GINS4: variants seen among roughly 807,000 people sequenced by gnomAD.
GINS4 encodes the protein GINS complex subunit 4.
Under a neutral mutation model 31.1 loss-of-function variants are expected in GINS4, and 20 were observed. That is an observed-to-expected ratio of 0.64 (90% CI 0.45 to 0.93). The LOEUF is 0.93. Ranked by LOEUF, GINS4 falls within the 40% of genes least tolerant of loss-of-function variation. The pLI is 0.00. For synonymous variants in GINS4, 85 were observed against 97.9 expected (o/e 0.87, Z 0.78); for missense variants, 245 against 273.9 (o/e 0.89, Z 0.75).
At chr8:41,538,846 A>G (rs1806785854) in intron 4 of GINS4, among the ~76,000 whole-genome samples, 1 of 151,876 alleles carries the variant, frequency 6.6e-6, no homozygotes, top group South Asian at 2.1e-4. Context: ...CTGGGATTAC[A>G]TGCCCCTGCC....
intron 3 of GINS4, 180 bp from the exon 4 acceptor site, chr8:41,537,000 T>G: frequency 1.8e-6 from 1 of 559,890 alleles, no homozygotes; most frequent in East Asian, 3.1e-5. Flanking sequence ...ACAGATTCTA[T>G]TCAAATGGTC....
intron 2 of GINS4, among the ~76,000 whole-genome samples, chr8:41,533,573 T>C (rs1458446261): frequency 6.6e-6 from 1 of 152,238 alleles, no homozygotes; most frequent in Non-Finnish European, 1.5e-5. Context: ...CTGTCTCTTA[T>C]GCTGTGTGGC....
chr8:41,540,077 GT>G, intron 6 of GINS4, 73 bp downstream of exon 6: 1 of 1,055,408 alleles, frequency 9.5e-7, no homozygotes, highest in Admixed American at 1.9e-5. Flanking sequence ...TCTCTTCACT[GT>G]TTTTACCCAA....
rs1806852074 is a variant in GINS4, at chr8:41,542,104, C to T, written c.*17C>T. The T allele has an allele frequency of 1.3e-6, 2 of 1,587,350 alleles. No homozygotes were observed. The highest frequency in any genetic ancestry group is 2.7e-5 in the African/African-American group (2 of 74,426). On this transcript the variant is annotated 3_prime_UTR_variant, in exon 8 of 8. Coordinates refer to ENST00000276533, the MANE Select transcript of GINS4 (RefSeq NM_032336.3). ...CTAATTTAAAACTAGGCATAAACAGCCAGGCATGGTGACTCAAGCCTGTAA... is the reference window on the plus strand; with the variant it reads ...CTAATTTAAAACTAGGCATAAACAGTCAGGCATGGTGACTCAAGCCTGTAA...
intron 4 of GINS4, 25 bp from the exon 5 acceptor site, chr8:41,539,653 T>G: frequency 6.6e-7 from 1 of 1,510,260 alleles, no homozygotes; most frequent in South Asian, 1.1e-5. Context: ...AATGTTTTCA[T>G]GAAGATTTTG....
chr8:41,539,694 C>G lies in GINS4; in HGVS notation c.314C>G (p.Pro105Arg). The change falls in exon 5 of 8, where the codon CCT becomes CGT. Residue 105 changes from proline (P) to arginine (R), a missense_variant. Coordinates refer to ENST00000276533, the MANE Select transcript of GINS4 (RefSeq NM_032336.3). ...CRLMKIEKFF[P>R]HVLEKEKTRP... ...TCCTCACAGATAGAGAAGTTTTTCC[C>G]TCATGTCCTTGAGAAGGAAAAAACA... The G allele has an allele frequency of 6.2e-7, 1 of 1,613,168 alleles. No individual in the cohort carries two copies. Among genetic ancestry groups the G allele is most frequent in the Non-Finnish European group, 8.5e-7 (1 of 1,179,498 alleles).
At chr8:41,536,877 G>T (rs946201636) in intron 3 of GINS4, among the ~76,000 whole-genome samples, 1 of 152,208 alleles carries the variant, frequency 6.6e-6, no homozygotes, top group Non-Finnish European at 1.5e-5. Context: ...GGATATTTCA[G>T]TTTCTCAGCT....
chr8:41,543,327 C>G lies in GINS4; in HGVS notation c.*1240C>G, dbSNP rs993431979. ...GCTGTTAACCCGCAGCCCTCCCCAA[C>G]TCTCCAGCAGCTTTGCCAAGTCAGC... On this transcript the variant is annotated 3_prime_UTR_variant, in exon 8 of 8. Transcript: ENST00000276533. 3.3e-5 allele frequency: 5 copies of G among 152,248 alleles called. No homozygotes were observed. The highest frequency in any genetic ancestry group is 7.3e-5 in the Non-Finnish European group (5 of 68,054). The allele number at this position is 152,248 out of a possible 1,614,324, so 9.4% of individuals were successfully genotyped here.
intron 4 of GINS4, 100 bp downstream of exon 4, chr8:41,537,393 G>A: frequency 2.6e-6 from 2 of 770,654 alleles, no homozygotes; most frequent in South Asian, 1.6e-5. Flanking sequence ...GAGGGTCCAG[G>A]ACCTGAAGAT....
rs1244671647 is a variant in GINS4, at chr8:41,544,114, T to G, written c.*2027T>G. 6.6e-6 allele frequency: 1 copy of G among 152,352 alleles called. No homozygotes were observed. Among genetic ancestry groups the G allele is most frequent in the Admixed American group, 6.5e-5 (1 of 15,282 alleles). 9.4% of individuals were successfully genotyped at this position (152,352 alleles called of 1,614,324 possible). On this transcript the variant is annotated 3_prime_UTR_variant, in exon 8 of 8. Coordinates refer to ENST00000276533, the MANE Select transcript of GINS4 (RefSeq NM_032336.3). The stretch of plus-strand genomic sequence containing the variant: ...TGAGATCTGATTAACAGGAGGCAGC[T>G]GCAGTGCAGAGGTCAAAAGGGAGGG...
In GINS4 at chr8:41,543,954, A is replaced by C. The variant is rs1806889790; in HGVS notation, c.*1867A>C. ...GCTCCTGACCCCAGGTGATCCACCCACCTCGGCCTCCCAAAGTGCTGGAAT... is the reference window on the plus strand; with the variant it reads ...GCTCCTGACCCCAGGTGATCCACCCCCCTCGGCCTCCCAAAGTGCTGGAAT... On this transcript the variant is annotated 3_prime_UTR_variant, in exon 8 of 8. Coordinates refer to ENST00000276533, the MANE Select transcript of GINS4 (RefSeq NM_032336.3). 1 of 152,094 alleles carries C rather than the reference A, an allele frequency of 6.6e-6. No individual in the cohort carries two copies. The highest frequency in any genetic ancestry group is 1.5e-5 in the Non-Finnish European group (1 of 68,056). 9.4% of individuals were successfully genotyped at this position (152,094 alleles called of 1,614,324 possible). A position where few individuals can be genotyped will look rare whatever the true frequency, so the allele number is the denominator to read the frequency against.
Position 41,539,931 on chromosome 8 carries a change from A to G in GINS4, c.411A>G (p.Thr137=), listed in dbSNP as rs2150461149. ...TGTCTTTCAGGTTCATGGCGAACACAGAGTCCTATCTGAAAAATGTCGCCT... is the reference window on the plus strand; with the variant it reads ...TGTCTTTCAGGTTCATGGCGAACACGGAGTCCTATCTGAAAAATGTCGCCT... ...LAFAREFMAN[T]ESYLKNVALK... The change falls in exon 6 of 8, where the codon ACA becomes ACG. Residue 137 remains threonine, a synonymous_variant. Transcript: ENST00000276533. 2.5e-6 allele frequency: 4 copies of G among 1,614,162 alleles called. No homozygotes were observed. The highest frequency in any genetic ancestry group is 8.5e-7 in the Non-Finnish European group (1 of 1,179,966).
At position 41,543,472 on chromosome 8, in the gene GINS4, G is replaced by A. The variant is rs1806879578; in HGVS notation, c.*1385G>A. 6.6e-6 allele frequency: 1 copy of A among 152,202 alleles called. No homozygotes were observed. Among genetic ancestry groups the A allele is most frequent in the Admixed American group, 6.6e-5 (1 of 15,266 alleles). 9.4% of individuals were successfully genotyped at this position (152,202 alleles called of 1,614,324 possible). ...GTCCTTCACTTTTTCAAGAGGAATGGATGAAATTAATGTGCATGCAGAGTC... is the reference window on the plus strand; with the variant it reads ...GTCCTTCACTTTTTCAAGAGGAATGAATGAAATTAATGTGCATGCAGAGTC... On this transcript the variant is annotated 3_prime_UTR_variant, in exon 8 of 8. Transcript: ENST00000276533.
At chr8:41,535,450 TTTG>T (rs1478677269) in intron 2 of GINS4, among the ~76,000 whole-genome samples, 1 of 152,080 alleles carries the variant, frequency 6.6e-6, no homozygotes, top group Non-Finnish European at 1.5e-5. Context: ...GCAGGTTTTT[TTTG>T]TTTGTTTGTT....
intron 3 of GINS4, among the ~76,000 whole-genome samples, chr8:41,536,920 A>T (rs1201630901): frequency 6.6e-6 from 1 of 152,198 alleles, no homozygotes; most frequent in African/African-American, 2.4e-5. Flanking sequence ...GACCCAATGG[A>T]AGTTTCGTCT....
chr8:41,541,768 T>C, intron 6 of GINS4, 41 bp from the exon 7 acceptor site: 4 of 1,530,438 alleles, frequency 2.6e-6, no homozygotes, highest in Non-Finnish European at 3.6e-6. Flanking sequence ...TTGACTTTGT[T>C]GGCCGAGGAT....
At chr8:41,532,927 T>A (rs1221802715) in intron 2 of GINS4, among the ~76,000 whole-genome samples, 1 of 152,182 alleles carries the variant, frequency 6.6e-6, no homozygotes, top group Non-Finnish European at 1.5e-5. Context: ...TAATTTGTTA[T>A]TGTCTAGTAA....
At chr8:41,537,349 GAA>G in intron 4 of GINS4, 56 bp downstream of exon 4, 7 of 1,298,972 alleles carry the variant, frequency 5.4e-6, no homozygotes, top group Non-Finnish European at 6.6e-6. Context: ...AATGCAGACT[GAA>G]TGTCCTGGGG....
At chr8:41,535,644 A>G (rs1806729681) in intron 2 of GINS4, among the ~76,000 whole-genome samples, 1 of 152,190 alleles carries the variant, frequency 6.6e-6, no homozygotes, top group African/African-American at 2.4e-5. Flanking sequence ...CTAAAACTAC[A>G]TTTCCTGTAA....
Sources: allele counts gnomAD v4.1 joint callset (sites outside exome capture counted in the v4.1 genomes callset), GRCh38; gene constraint gnomAD v4.1.1; transcripts MANE v1.5; gene names NCBI Gene and HGNC (gene_info 2026-07-23, HGNC 2026-07-21).